PCDHGA5: variants seen among roughly 807,000 people sequenced by gnomAD.
The protein encoded by PCDHGA5 is protocadherin gamma subfamily A, 5, also known as protocadherin gamma-A5.
In PCDHGA5, 36 loss-of-function variants were observed where a neutral mutation model predicts 56.7. The observed-to-expected ratio is 0.64, with a 90% CI of 0.49 to 0.84. The LOEUF is 0.84. Ranked by LOEUF, PCDHGA5 falls within the 40% of genes least tolerant of loss-of-function variation. The pLI is 0.00. For missense variants in PCDHGA5, 1,305 were observed against 1,201.5 expected (o/e 1.09, Z -1.27); for synonymous variants, 563 against 520.2 (o/e 1.08, Z -1.12).
Position 141,417,626 on chromosome 5 carries a change from T to C in PCDHGA5, c.2421+50875T>C, listed in dbSNP as rs1156653216. ...CCGTCGGCCAGTGCAGAGCAAGCGC[T>C]GACGCCGGGGATCCCTCAGCCTCTA... On this transcript the variant is annotated intron_variant, in intron 1 of 3. Coordinates refer to ENST00000518069, the MANE Select transcript of PCDHGA5 (RefSeq NM_018918.3). The C allele has an allele frequency of 4.4e-6, 3 of 689,458 alleles. No homozygotes were observed. In the African/African-American group the frequency reaches 5.4e-5, roughly 12 times the overall value. The allele number at this position is 689,458 out of a possible 1,614,324, so 42.7% of individuals were successfully genotyped here. A position where few individuals can be genotyped will look rare whatever the true frequency, so the allele number is the denominator to read the frequency against.
In PCDHGA5 at chr5:141,432,285, C is replaced by A; in HGVS notation, c.2422-62522C>A. On this transcript the variant is annotated intron_variant, in intron 1 of 3. Transcript: ENST00000518069. The surrounding 1 kb of genome is among the most constrained non-coding windows in gnomAD (Gnocchi z 6.0). ...CTATCGTCCTACGTGTCCATCAACTCCGACACTGGGGTACTGTATGCGCTG... is the reference window on the plus strand; with the variant it reads ...CTATCGTCCTACGTGTCCATCAACTACGACACTGGGGTACTGTATGCGCTG... The A allele has an allele frequency of 6.2e-7, 1 of 1,614,262 alleles. No homozygotes were observed. The highest frequency in any genetic ancestry group is 8.5e-7 in the Non-Finnish European group (1 of 1,180,052).
chr5:141,408,384 T>C, intron 1 of PCDHGA5: 2 of 1,614,014 alleles, frequency 1.2e-6, no homozygotes, highest in Non-Finnish European at 1.7e-6. Flanking sequence ...GTCCTGGATG[T>C]GTCGGCTCGC....
At chr5:141,502,191 A>G (rs2099813218) in intron 2 of PCDHGA5, among the ~76,000 whole-genome samples, 1 of 152,170 alleles carries the variant, frequency 6.6e-6, no homozygotes, top group Non-Finnish European at 1.5e-5. Flanking sequence ...TAATACAATA[A>G]TATAGAATCC....
intron 1 of PCDHGA5, 71 bp downstream of exon 1, chr5:141,366,822 T>C: frequency 6.5e-7 from 1 of 1,538,974 alleles, no homozygotes; most frequent in Non-Finnish European, 8.8e-7. Flanking sequence ...TTCTGTCATA[T>C]TCAGAATCAG....
In PCDHGA5 at chr5:141,431,129, A is replaced by G. The variant is rs771219303; in HGVS notation, c.2422-63678A>G. The G allele has an allele frequency of 7.4e-6, 12 of 1,614,152 alleles. No homozygotes were observed. The Admixed American group carries it at 1.7e-4, about 22-fold the overall frequency. Reference sequence around the variant, plus strand: ...AATATATGGAGTAGAAGTAGAAGTAAGGGACATTAACGACAATGCGCCTTA... The same window carrying G: ...AATATATGGAGTAGAAGTAGAAGTAGGGGACATTAACGACAATGCGCCTTA... On this transcript the variant is annotated intron_variant, in intron 1 of 3. Coordinates refer to ENST00000518069, the MANE Select transcript of PCDHGA5 (RefSeq NM_018918.3). The surrounding 1 kb of genome is among the most constrained non-coding windows in gnomAD (Gnocchi z 4.8).
chr5:141,407,455 C>G (rs2094931708), intron 1 of PCDHGA5, among the ~76,000 whole-genome samples: 1 of 148,412 alleles, frequency 6.7e-6, no homozygotes, highest in African/African-American at 2.5e-5. Context: ...ACGAGGCTCA[C>G]CAGACAGATG....
intron 1 of PCDHGA5, chr5:141,418,106 G>T (rs2096223296): frequency 6.2e-7 from 1 of 1,613,954 alleles, no homozygotes. Flanking sequence ...GCAGAGCGGG[G>T]ACTTACTTGT....
intron 1 of PCDHGA5, chr5:141,390,094 T>G: frequency 1.2e-6 from 2 of 1,614,048 alleles, no homozygotes; most frequent in Non-Finnish European, 1.7e-6. Flanking sequence ...GAATCCGTGG[T>G]TCCCCCCAAC....
rs748357509 is a variant in PCDHGA5 at position 141,384,447 on chromosome 5, G to A, written c.2421+17696G>A. The A allele has an allele frequency of 2.0e-5, 32 of 1,613,890 alleles. No homozygotes were observed. The African/African-American group carries it at 2.4e-4, about 12-fold the overall frequency. The stretch of plus-strand genomic sequence containing the variant: ...ACTCTGACACTGGAGTCCTGTACGC[G>A]CTGCAATCCTTTGATTATGAGCAGT... On this transcript the variant is annotated intron_variant, in intron 1 of 3. Coordinates refer to ENST00000518069, the MANE Select transcript of PCDHGA5 (RefSeq NM_018918.3).
chr5:141,408,463 G>T, intron 1 of PCDHGA5: 1 of 1,614,014 alleles, frequency 6.2e-7, no homozygotes, highest in Non-Finnish European at 8.5e-7. Context: ...TACTTGTGAA[G>T]AACCGAATAG....
At chr5:141,435,103 G>A (rs1468698388) in intron 1 of PCDHGA5, among the ~76,000 whole-genome samples, 2 of 151,914 alleles carry the variant, frequency 1.3e-5, no homozygotes, top group African/African-American at 2.4e-5. Flanking sequence ...TTTATCTAGG[G>A]GGGAGAAATC....
intron 2 of PCDHGA5, among the ~76,000 whole-genome samples, chr5:141,495,094 C>T (rs1470702358): frequency 6.6e-6 from 1 of 152,156 alleles, no homozygotes; most frequent in African/African-American, 2.4e-5. Flanking sequence ...CTTCCCTCCT[C>T]GCCACGACCG....
chr5:141,486,637 G>A lies in PCDHGA5; in HGVS notation c.2422-8170G>A, dbSNP rs761072169. On this transcript the variant is annotated intron_variant, in intron 1 of 3. Transcript: ENST00000518069. The surrounding 1 kb of genome is among the most constrained non-coding windows in gnomAD (Gnocchi z 5.0). ...CTGACCCAGACTCTGGCTTGAATGC[G>A]CTTATCTCCTACTCACTCCTGGAGC... 3.1e-5 allele frequency: 50 copies of A among 1,613,520 alleles called. No individual in the cohort carries two copies. The highest frequency in any genetic ancestry group is 5.0e-5 in the Admixed American group (3 of 60,000).
At chr5:141,479,877 T>C (rs967661238) in intron 1 of PCDHGA5, among the ~76,000 whole-genome samples, 2 of 152,188 alleles carry the variant, frequency 1.3e-5, no homozygotes, top group African/African-American at 4.8e-5. Flanking sequence ...GAGAACCCTA[T>C]ACATACTCTC....
At position 141,491,735 on chromosome 5, in the gene PCDHGA5, G is replaced by C. The variant is rs765837152; in HGVS notation, c.2422-3072G>C. ...TCGGCGCCGCCCCGGGCGACCCCTG[G>C]GGGCGGCACTGGAGAAGCCGCCCGT... On this transcript the variant is annotated intron_variant, in intron 1 of 3. Coordinates refer to ENST00000518069, the MANE Select transcript of PCDHGA5 (RefSeq NM_018918.3). The surrounding 1 kb of genome is among the most constrained non-coding windows in gnomAD (Gnocchi z 6.9). 2.5e-6 allele frequency: 4 copies of C among 1,601,968 alleles called. No homozygotes were observed. In the South Asian group the frequency reaches 4.4e-5, roughly 18 times the overall value.
chr5:141,464,273 A>G (rs1330533734), intron 1 of PCDHGA5, among the ~76,000 whole-genome samples: 1 of 136,736 alleles, frequency 7.3e-6, no homozygotes, highest in African/African-American at 3.0e-5. Context: ...TAAAAAAAAA[A>G]AAAAGCAAAA....
At chr5:141,410,029 G>T (rs2095350230) in intron 1 of PCDHGA5, 15 of 1,613,274 alleles carry the variant, frequency 9.3e-6, no homozygotes, top group Non-Finnish European at 1.3e-5. Context: ...ACCACGTGCT[G>T]CAGGCCAGTG....
At chr5:141,451,238 T>A (rs1167769789) in intron 1 of PCDHGA5, among the ~76,000 whole-genome samples, 6 of 152,214 alleles carry the variant, frequency 3.9e-5, no homozygotes, top group African/African-American at 1.4e-4. Context: ...TATTATCTCA[T>A]AAATTTTGTG....
At chr5:141,440,838 C>A (rs2098204954) in intron 1 of PCDHGA5, 1 of 152,102 alleles carries the variant, frequency 6.6e-6, no homozygotes, top group African/African-American at 2.4e-5. Context: ...TTGGTTGAAG[C>A]CAATGACAAC....
Sources: gnomAD v4.1 joint callset for allele counts (sites outside exome capture counted in the v4.1 genomes callset) on GRCh38, gnomAD v4.1.1 for gene constraint, Gnocchi (gnomAD v3.1) non-coding constraint, MANE v1.5 for transcripts, NCBI Gene and HGNC (gene_info 2026-07-23, HGNC 2026-07-21) for gene names.